The following LPIN1 variants were observed in gnomAD, a reference collection of about 807,000 sequenced individuals.
LPIN1 encodes the protein lipin 1.
A neutral mutation model predicts 107.5 loss-of-function variants in LPIN1; 71 were observed. The ratio of observed to expected loss-of-function variants is 0.66; its 90% CI spans 0.55 to 0.80. The LOEUF (loss-of-function observed/expected upper bound fraction) is 0.80, where lower values mean the gene tolerates loss of function less well. Ranked by LOEUF, LPIN1 falls within the 30% of genes least tolerant of loss-of-function variation. LPIN1 has a pLI of 0.00. For missense variants in LPIN1, 1,043 were observed against 1,160.6 expected (o/e 0.90, Z 1.47); for synonymous variants, 445 against 452.6 (o/e 0.98, Z 0.21).
chr2:11,812,737 C>T (rs1348891499), intron 17 of LPIN1, among the ~76,000 whole-genome samples: 3 of 152,102 alleles, frequency 2.0e-5, no homozygotes, highest in African/African-American at 7.2e-5. Flanking sequence ...GTTTGGACGA[C>T]GTCTGTGAGA....
chr2:11,805,024 C>A, intron 16 of LPIN1, 46 bp from the exon 17 acceptor site: 12 of 1,102,968 alleles, frequency 1.1e-5, no homozygotes, highest in Non-Finnish European at 1.7e-5. Flanking sequence ...TGCAATGAAT[C>A]TGAAAGGGAT....
chr2:11,757,459 C>T (rs531883210), intron 1 of LPIN1, among the ~76,000 whole-genome samples: 41 of 152,276 alleles, frequency 2.7e-4, no homozygotes, highest in South Asian at 6.2e-4. Context: ...GCCTTTTACT[C>T]GAAACATAAC....
chr2:11,754,559 G>C (rs1045521817), intron 1 of LPIN1, among the ~76,000 whole-genome samples: 1 of 152,206 alleles, frequency 6.6e-6, no homozygotes, highest in Non-Finnish European at 1.5e-5. Context: ...GTGATGCTGC[G>C]GGTGAGAGCA....
chr2:11,817,931 CAAAAAAAAAAAAAAAAAAAA>C (rs34888081), intron 18 of LPIN1: 1 of 25,536 alleles, frequency 3.9e-5, no homozygotes, highest in South Asian at 1.9e-3. Context: ...GACTCTGTCT[CAAAAAAAAAAAAAAAAAAAA>C]AAAAAAAAAG....
rs555051632 is a variant in LPIN1, at chr2:11,760,049, G to A, written c.-9-5484G>A. Among the ~76,000 whole-genome samples, 981 of 150,116 alleles carry A rather than the reference G, an allele frequency of 6.5e-3. 1 individual carries two copies. The highest frequency in any genetic ancestry group is 0.01 in the Non-Finnish European group (698 of 67,418). The stretch of plus-strand genomic sequence containing the variant: ...CTCCTCACCTCCCAGACGGGGTCGC[G>A]GCCGGGCAGAGGCGCTCCTCACATC... On this transcript the variant is annotated intron_variant, in intron 1 of 20. Coordinates refer to ENST00000674199, the MANE Select transcript of LPIN1 (RefSeq NM_001349206.2).
chr2:11,795,075 GC>G, intron 13 of LPIN1, among the ~76,000 whole-genome samples: 1 of 152,200 alleles, frequency 6.6e-6, no homozygotes, highest in East Asian at 1.9e-4. Flanking sequence ...ATTTTGAAAG[GC>G]CCCCAGAATC....
chr2:11,714,181 G>T (rs189906700), intron 2 of LPIN1, among the ~76,000 whole-genome samples: 1 of 152,148 alleles, frequency 6.6e-6, no homozygotes, highest in African/African-American at 2.4e-5. Context: ...GATCCTTACC[G>T]CAAATGCAGT....
At chr2:11,727,086 C>T (rs956160609) in intron 1 of LPIN1, among the ~76,000 whole-genome samples, 4 of 152,190 alleles carry the variant, frequency 2.6e-5, no homozygotes, top group Non-Finnish European at 4.4e-5. Context: ...CTTTTAATCG[C>T]TAGAAATGTT....
intron 1 of LPIN1, among the ~76,000 whole-genome samples, chr2:11,760,573 C>G (rs371227304): frequency 3.9e-5 from 6 of 152,160 alleles, no homozygotes; most frequent in African/African-American, 7.2e-5. Context: ...CGCAGGCACT[C>G]GGCAGGTTGA....
intron 17 of LPIN1, among the ~76,000 whole-genome samples, chr2:11,810,456 G>T (rs1679458824): frequency 6.6e-6 from 1 of 152,160 alleles, no homozygotes; most frequent in Non-Finnish European, 1.5e-5. Flanking sequence ...GCAGACGGTG[G>T]GGTGGGTAAA....
chr2:11,711,320 G>A (rs1203994080), intron 1 of LPIN1, among the ~76,000 whole-genome samples: 3 of 152,152 alleles, frequency 2.0e-5, no homozygotes, highest in Non-Finnish European at 4.4e-5. Context: ...TGTTTCAAAT[G>A]CATTGCTCAG....
upstream of LPIN1, among the ~76,000 whole-genome samples, chr2:11,741,641 C>T (rs1666373379): frequency 6.6e-6 from 1 of 152,052 alleles, no homozygotes; most frequent in Non-Finnish European, 1.5e-5. Flanking sequence ...GAAACCCTGT[C>T]TCTACTAAAA....
intron 14 of LPIN1, among the ~76,000 whole-genome samples, chr2:11,802,330 A>G (rs373738831): frequency 1.3e-5 from 2 of 152,316 alleles, no homozygotes; most frequent in African/African-American, 4.8e-5. Flanking sequence ...ACTGACCTGT[A>G]TATTCTGAGC....
In LPIN1 at chr2:11,791,952, A is replaced by T. The variant is rs764250252; in HGVS notation, c.1752A>T (p.Lys584Asn). The T allele has an allele frequency of 1.9e-6, 3 of 1,614,118 alleles. No homozygotes were observed. In the South Asian group the frequency reaches 3.3e-5, roughly 18 times the overall value. Reference sequence around the variant, plus strand: ...CTATCATGAGGGATAAAATGCCCAAAAAGGGAGGAAGATGGTGGTTTTCAT... The same window carrying T: ...CTATCATGAGGGATAAAATGCCCAATAAGGGAGGAAGATGGTGGTTTTCAT... ...VESIMRDKMP[K>N]KGGRWWFSWR... The change falls in exon 13 of 21, where the codon AAA (lysine) becomes AAT (asparagine). Residue 584 changes from lysine to asparagine, a missense_variant. Lys to Asn is a moderately conservative substitution (Grantham distance 94, BLOSUM62 0). Coordinates refer to ENST00000674199, the MANE Select transcript of LPIN1 (RefSeq NM_001349206.2).
intron 1 of LPIN1, among the ~76,000 whole-genome samples, chr2:11,733,483 TTC>T (rs533719952): frequency 6.7e-6 from 1 of 150,136 alleles, no homozygotes; most frequent in East Asian, 1.9e-4. Flanking sequence ...TGTGTTTTCT[TTC>T]TCTCTCTCTC....
intron 1 of LPIN1, among the ~76,000 whole-genome samples, chr2:11,764,595 G>A (rs1048487879): frequency 6.6e-6 from 1 of 152,246 alleles, no homozygotes; most frequent in South Asian, 2.1e-4. Context: ...TTGACAGCTG[G>A]CCAGCAGCCC....
chr2:11,823,699 G>C (rs1450053451), intron 20 of LPIN1, among the ~76,000 whole-genome samples: 1 of 152,170 alleles, frequency 6.6e-6, no homozygotes, highest in African/African-American at 2.4e-5. Flanking sequence ...TCTCAGTTTG[G>C]AGGTGCCTGG....
At chr2:11,822,219 T>A (rs1314817953) in intron 20 of LPIN1, among the ~76,000 whole-genome samples, 3 of 140,702 alleles carry the variant, frequency 2.1e-5, no homozygotes, top group African/African-American at 5.4e-5. Flanking sequence ...TCACCTGAGG[T>A]CAGGAGTTCA....
At chr2:11,686,570 T>C (rs1662013362) in intron 1 of LPIN1, among the ~76,000 whole-genome samples, 1 of 152,102 alleles carries the variant, frequency 6.6e-6, no homozygotes, top group Non-Finnish European at 1.5e-5. Context: ...GGATGGGTTG[T>C]CCTCGTTTAA....
Sources: gnomAD v4.1 joint callset for allele counts (sites outside exome capture counted in the v4.1 genomes callset) on GRCh38, gnomAD v4.1.1 for gene constraint, MANE v1.5 for transcripts, NCBI Gene and HGNC (gene_info 2026-07-23, HGNC 2026-07-21) for gene names.